The following MTMR8 variants were observed in gnomAD, a reference collection of about 807,000 sequenced individuals.
MTMR8 encodes the protein myotubularin related protein 8, also known as phosphatidylinositol-3,5-bisphosphate 3-phosphatase MTMR8.
Under a neutral mutation model 39.3 loss-of-function variants are expected in MTMR8, and 65 were observed. That is an observed-to-expected ratio of 1.65 (90% confidence interval 1.35 to 2.03). The LOEUF (loss-of-function observed/expected upper bound fraction) is 2.03. Among genes scored for constraint, MTMR8 ranks in the 30% most tolerant of loss-of-function variants. MTMR8 has a pLI of 0.00. For synonymous variants in MTMR8, 245 were observed against 185.2 expected (o/e 1.32, Z -2.62); for missense variants, 777 against 538.9 (o/e 1.44, Z -4.37).
At chrX:64,382,329 A>G (rs927388094) in intron 1 of MTMR8, among the ~76,000 whole-genome samples, 3 of 111,217 alleles carry the variant, frequency 2.7e-5, no homozygotes, top group African/African-American at 9.8e-5. Context: ...GTCCCTTGTA[A>G]GTTGGATTCC....
In MTMR8 at chrX:64,385,070, A is replaced by C. The variant is rs1431794902; in HGVS notation, c.24+10270T>G. On this transcript the variant is annotated intron_variant, in intron 1 of 13. Transcript: ENST00000374852. ...ATAGGCAGTTAGAAGCAGCCATGCCATTCTTGAACACTTTGCTGATTAGAA... is the reference window on the plus strand; with the variant it reads ...ATAGGCAGTTAGAAGCAGCCATGCCCTTCTTGAACACTTTGCTGATTAGAA... Among the ~76,000 whole-genome samples the C allele has an allele frequency of 4.3e-4, 48 of 112,324 alleles. 1 individual carries two copies. In the Admixed American group the frequency reaches 4.5e-3, roughly 11 times the overall value.
At chrX:64,383,645 C>T (rs1924487805) in intron 1 of MTMR8, among the ~76,000 whole-genome samples, 1 of 109,626 alleles carries the variant, frequency 9.1e-6, no homozygotes, top group African/African-American at 3.3e-5. Flanking sequence ...AGAAGCCACA[C>T]ACTTTCAAAT....
At chrX:64,381,345 G>A (rs1294292962) in intron 1 of MTMR8, among the ~76,000 whole-genome samples, 1 of 111,690 alleles carries the variant, frequency 9.0e-6, no homozygotes. Context: ...TTCTCTGATG[G>A]CCAGTGATGA....
intron 4 of MTMR8, among the ~76,000 whole-genome samples, chrX:64,353,538 A>G (rs1250524632): frequency 8.9e-6 from 1 of 112,176 alleles, no homozygotes; most frequent in Non-Finnish European, 1.9e-5. Context: ...CAAAACCACA[A>G]TGAGATATCA....
chrX:64,383,908 G>A (rs1924495608), intron 1 of MTMR8, among the ~76,000 whole-genome samples: 1 of 111,342 alleles, frequency 9.0e-6, no homozygotes, highest in African/African-American at 3.3e-5. Flanking sequence ...ATCATCCCCA[G>A]AAAATCTTAA....
chrX:64,357,169 C>A (rs1436030414), intron 2 of MTMR8, among the ~76,000 whole-genome samples: 1 of 111,409 alleles, frequency 9.0e-6, no homozygotes, highest in Non-Finnish European at 1.9e-5. Flanking sequence ...GCATTTTGAT[C>A]TTTGATGTTC....
At chrX:64,344,713 G>A (rs1057363765) in intron 7 of MTMR8, among the ~76,000 whole-genome samples, 4 of 111,404 alleles carry the variant, frequency 3.6e-5, no homozygotes, top group African/African-American at 1.3e-4. Context: ...ATGATAAAAT[G>A]AATCCCAAAT....
At chrX:64,302,968 G>A (rs745529340) in intron 12 of MTMR8, among the ~76,000 whole-genome samples, 1 of 112,394 alleles carries the variant, frequency 8.9e-6, no homozygotes, top group Non-Finnish European at 1.9e-5. Context: ...CTATACCAGA[G>A]AGTCTGGATG....
chrX:64,311,416 T>G (rs1922294599), intron 12 of MTMR8, among the ~76,000 whole-genome samples: 1 of 111,652 alleles, frequency 9.0e-6, no homozygotes, highest in Non-Finnish European at 1.9e-5. Context: ...ATGGGTAGAT[T>G]GCAAAAATTT....
chrX:64,282,694 C>A (rs956354481), intron 12 of MTMR8, among the ~76,000 whole-genome samples: 1 of 110,364 alleles, frequency 9.1e-6, no homozygotes, highest in African/African-American at 3.3e-5. Context: ...GATATAAGAC[C>A]AAAAGAATAA....
intron 10 of MTMR8, among the ~76,000 whole-genome samples, chrX:64,335,285 C>A (rs751210484): frequency 9.0e-6 from 1 of 110,900 alleles, no homozygotes; most frequent in African/African-American, 3.3e-5. Flanking sequence ...GCACCCGCCA[C>A]CATGTCTGGC....
At chrX:64,349,442 A>G (rs1161792281) in intron 5 of MTMR8, among the ~76,000 whole-genome samples, 4 of 111,418 alleles carry the variant, frequency 3.6e-5, no homozygotes, top group Non-Finnish European at 7.5e-5. Context: ...CAACTTGCCT[A>G]TTTGTCTAAC....
intron 2 of MTMR8, among the ~76,000 whole-genome samples, chrX:64,356,766 G>C (rs1401529207): frequency 9.1e-6 from 1 of 110,445 alleles, no homozygotes; most frequent in African/African-American, 3.3e-5. Context: ...AAACAAAGTA[G>C]TCCATGACCA....
intron 13 of MTMR8, 40 bp from the exon 14 acceptor site, chrX:64,269,083 C>T: frequency 8.5e-7 from 1 of 1,172,486 alleles, no homozygotes; most frequent in Non-Finnish European, 1.1e-6. Flanking sequence ...GAATTAGAAA[C>T]AGGAGAAAAA....
chrX:64,355,674 G>T (rs1269095973), intron 3 of MTMR8, among the ~76,000 whole-genome samples: 1 of 110,967 alleles, frequency 9.0e-6, no homozygotes, highest in Non-Finnish European at 1.9e-5. Context: ...GCCTAGGGGT[G>T]GGGGCTGGGG....
At chrX:64,309,710 A>G (rs1044355527) in intron 12 of MTMR8, among the ~76,000 whole-genome samples, 4 of 112,266 alleles carry the variant, frequency 3.6e-5, no homozygotes, top group African/African-American at 1.3e-4. Context: ...GGCCACTGCA[A>G]TAAAGCAATT....
intron 3 of MTMR8, among the ~76,000 whole-genome samples, chrX:64,355,187 A>G (rs923505609): frequency 8.9e-6 from 1 of 111,937 alleles, no homozygotes; most frequent in Middle Eastern, 4.2e-3. Context: ...CTGGCTTCCT[A>G]TAAAAAAAGA....
intron 12 of MTMR8, among the ~76,000 whole-genome samples, chrX:64,280,493 C>G (rs762124333): frequency 1.4e-4 from 16 of 111,753 alleles, no homozygotes; most frequent in Non-Finnish European, 2.3e-4. Context: ...CGATAAAATT[C>G]AATGTCCTTC....
chrX:64,321,411 T>G (rs1922641162), intron 12 of MTMR8, among the ~76,000 whole-genome samples: 1 of 111,316 alleles, frequency 9.0e-6, no homozygotes, highest in African/African-American at 3.3e-5. Context: ...AAACAGAAAT[T>G]TTGGATATGA....
Sources: allele counts gnomAD v4.1 joint callset (sites outside exome capture counted in the v4.1 genomes callset), GRCh38; gene constraint gnomAD v4.1.1; transcripts MANE v1.5; gene names NCBI Gene and HGNC (gene_info 2026-07-23, HGNC 2026-07-21).